Variants in GPR89B observed in about 807,000 individuals in gnomAD.
GPR89B encodes golgi pH regulator B, also known as G protein-coupled receptor 89B.
A neutral mutation model predicts 52.4 loss-of-function variants in GPR89B; 25 were observed. The observed-to-expected ratio is 0.48, with a 90% confidence interval of 0.35 to 0.67. The LOEUF (loss-of-function observed/expected upper bound fraction) is 0.67. Ranked by LOEUF, GPR89B falls within the 30% of genes least tolerant of loss-of-function variation. The probability of loss-of-function intolerance (pLI) is 0.01; values close to 1 mark genes in which losing one functional copy is unlikely to be tolerated. For missense variants in GPR89B, 146 were observed against 450.2 expected (o/e 0.32, Z 6.11); for synonymous variants, 52 against 151.2 (o/e 0.34, Z 4.81).
intron 10 of GPR89B, among the ~76,000 whole-genome samples, chr1:147,977,801 T>C (rs1176675110): frequency 1.3e-5 from 2 of 148,698 alleles, no homozygotes; most frequent in Non-Finnish European, 3.0e-5. Context: ...TGTGGTTGCA[T>C]TGTGAATTTC....
chr1:147,934,527 T>C (rs1284810365), intron 1 of GPR89B, among the ~76,000 whole-genome samples: 13 of 152,136 alleles, frequency 8.5e-5, no homozygotes, highest in Non-Finnish European at 1.0e-4. Context: ...GGTGGAAACC[T>C]TTGACTGTGT....
the GPR89B span, among the ~76,000 whole-genome samples, chr1:148,000,482 T>C: frequency 2.6e-5 from 4 of 152,108 alleles, no homozygotes; most frequent in Non-Finnish European, 5.9e-5. Context: ...GAATTACAGG[T>C]CCAAGAATTT....
chr1:147,983,860 A>G (rs1658454161), intron 10 of GPR89B, among the ~76,000 whole-genome samples: 2 of 152,124 alleles, frequency 1.3e-5, no homozygotes, highest in Non-Finnish European at 2.9e-5. Flanking sequence ...TCATGTTGCT[A>G]TAAAGACACA....
chr1:148,015,292 G>GTT, the GPR89B span, among the ~76,000 whole-genome samples: 4 of 50,972 alleles, frequency 7.8e-5, no homozygotes, highest in Non-Finnish European at 1.5e-4. Flanking sequence ...AGGATTCTAG[G>GTT]ATCTCTCTCT....
At chr1:147,988,411 T>A (rs1376652758) in intron 11 of GPR89B, 21 bp from the exon 12 acceptor site, 2 of 1,172,780 alleles carry the variant, frequency 1.7e-6, no homozygotes, top group Non-Finnish European at 1.3e-6. Flanking sequence ...TAGCAGATAT[T>A]TTTTCTTGTT....
At chr1:148,012,512 C>G in the GPR89B span, among the ~76,000 whole-genome samples, 44 of 145,666 alleles carry the variant, frequency 3.0e-4, no homozygotes, top group Middle Eastern at 0.011. Flanking sequence ...CCCCCACCCC[C>G]GCAGCCCCCT....
chr1:147,966,344 C>T (rs1429686035), intron 7 of GPR89B, among the ~76,000 whole-genome samples: 1 of 150,258 alleles, frequency 6.7e-6, no homozygotes, highest in East Asian at 2.0e-4. Flanking sequence ...TATTGCCTAG[C>T]CCAAATTCTG....
In GPR89B at chr1:147,971,115, T is replaced by G. The variant is rs1409528479; in HGVS notation, c.909+1156T>G. On this transcript the variant is annotated intron_variant, in intron 10 of 13. Coordinates refer to ENST00000314163, the MANE Select transcript of GPR89B (RefSeq NM_016334.5). ...TAGTATGTTCAGTTAGCAAAGCTACTAAAAGGTATTTTCCTAAGATGCAGC... is the reference window on the plus strand; with the variant it reads ...TAGTATGTTCAGTTAGCAAAGCTACGAAAAGGTATTTTCCTAAGATGCAGC... 1.2e-3 allele frequency among the ~76,000 whole-genome samples: 180 copies of G among 151,958 alleles called. 1 individual carries two copies. Among genetic ancestry groups the G allele is most frequent in the Non-Finnish European group, 1.7e-3 (117 of 68,012 alleles).
At chr1:147,961,138 G>T (rs1288943432) in intron 7 of GPR89B, among the ~76,000 whole-genome samples, 1 of 150,650 alleles carries the variant, frequency 6.6e-6, no homozygotes, top group African/African-American at 2.4e-5. Context: ...CTGCAGTCAC[G>T]CCTCTGCACC....
At chr1:147,944,163 A>G in intron 5 of GPR89B, 65 bp downstream of exon 5, 3 of 1,576,788 alleles carry the variant, frequency 1.9e-6, no homozygotes, top group Non-Finnish European at 2.6e-6. Context: ...CTGATTTCAA[A>G]AACAATTAAT....
chr1:148,017,154 G>A, the GPR89B span, among the ~76,000 whole-genome samples: 4 of 151,694 alleles, frequency 2.6e-5, no homozygotes, highest in Admixed American at 2.6e-4. Context: ...CGATTCTCCT[G>A]CTTCAGCCTC....
chr1:148,012,671 G>A, the GPR89B span, among the ~76,000 whole-genome samples: 1 of 152,030 alleles, frequency 6.6e-6, no homozygotes, highest in South Asian at 2.1e-4. Flanking sequence ...AAAGAGGAGA[G>A]GAAAGAATAA....
At chr1:147,965,405 A>G (rs1667248981) in intron 7 of GPR89B, among the ~76,000 whole-genome samples, 1 of 151,466 alleles carries the variant, frequency 6.6e-6, no homozygotes, top group Non-Finnish European at 1.5e-5. Context: ...CTTGAGTTAC[A>G]TTTTTCTTTG....
chr1:147,991,661 T>C (rs1659080819), intron 12 of GPR89B, among the ~76,000 whole-genome samples: 1 of 152,240 alleles, frequency 6.6e-6, no homozygotes, highest in African/African-American at 2.4e-5. Flanking sequence ...CATGAAGGGC[T>C]GTTGAATTTT....
At chr1:147,995,685 A>C (rs1257870125), downstream of GPR89B, 1 of 1,608,342 alleles carries the variant, frequency 6.2e-7, no homozygotes, top group Non-Finnish European at 8.5e-7. Context: ...TCAGCCAGGG[A>C]GGAAACAATA....
intron 12 of GPR89B, among the ~76,000 whole-genome samples, chr1:147,990,121 A>T (rs1186754742): frequency 1.3e-5 from 2 of 152,066 alleles, no homozygotes; most frequent in African/African-American, 4.8e-5. Context: ...CCTCTCCAGC[A>T]CCTGTTGTTT....
At chr1:147,966,054 C>A (rs1657010239) in intron 7 of GPR89B, among the ~76,000 whole-genome samples, 3 of 151,670 alleles carry the variant, frequency 2.0e-5, no homozygotes, top group Admixed American at 6.6e-5. Context: ...ACCATGTTGC[C>A]CATGCTGGTC....
At chr1:147,950,314 G>A (rs1376086701) in intron 5 of GPR89B, among the ~76,000 whole-genome samples, 4 of 149,846 alleles carry the variant, frequency 2.7e-5, no homozygotes, top group Non-Finnish European at 5.9e-5. Context: ...GGGCAGAGGC[G>A]CTCCCCACAT....
At chr1:148,009,961 C>T in the GPR89B span, among the ~76,000 whole-genome samples, 3,253 of 151,806 alleles carry the variant, frequency 0.021, 118 homozygotes, top group African/African-American at 0.075. Context: ...TGCATTCACC[C>T]TATGAGTTAA....
Sources: allele counts gnomAD v4.1 joint callset (sites outside exome capture counted in the v4.1 genomes callset), GRCh38; gene constraint gnomAD v4.1.1; transcripts MANE v1.5; gene names NCBI Gene and HGNC (gene_info 2026-07-23, HGNC 2026-07-21).